The following MGAT4C variants were observed in gnomAD, a reference collection of about 807,000 sequenced individuals.
MGAT4C encodes alpha-1,3-mannosyl-glycoprotein 4-beta-N-acetylglucosaminyltransferase C.
A neutral mutation model predicts 40.1 loss-of-function variants in MGAT4C; 19 were observed. That is an observed-to-expected ratio of 0.47 (90% CI 0.33 to 0.70). MGAT4C has a LOEUF of 0.70. Among genes scored for constraint, MGAT4C ranks in the 30% least tolerant of loss-of-function variants. MGAT4C has a pLI of 0.02. For missense variants in MGAT4C, 491 were observed against 563.2 expected (o/e 0.87, Z 1.30); for synonymous variants, 181 against 187.1 (o/e 0.97, Z 0.27).
chr12:86,753,251 C>T (rs916305351), intron 1 of MGAT4C, among the ~76,000 whole-genome samples: 29 of 152,138 alleles, frequency 1.9e-4, no homozygotes, highest in Non-Finnish European at 3.8e-4. Context: ...GAACACCCGG[C>T]CTGCCCAGGG....
Position 85,958,906 on chromosome 12 carries a change from T to C in MGAT4C, c.*20383A>G, listed in dbSNP as rs1882962583. On this transcript the variant is annotated 3_prime_UTR_variant, in exon 5 of 5. Coordinates refer to ENST00000611864, the MANE Select transcript of MGAT4C (RefSeq NM_001351288.2). ...AAGTTGTATAAAATTTTACAAACTT[T>C]ATATTTTTGCATACACTTATCTTCC... 1 of 152,070 alleles carries C rather than the reference T, an allele frequency of 6.6e-6. No homozygotes were observed. Among genetic ancestry groups the C allele is most frequent in the Admixed American group, 6.6e-5 (1 of 15,246 alleles). The allele number at this position is 152,070 out of a possible 1,614,324, so 9.4% of individuals were successfully genotyped here.
intron 3 of MGAT4C, among the ~76,000 whole-genome samples, chr12:86,363,275 T>C (rs1175600332): frequency 6.6e-6 from 1 of 152,118 alleles, no homozygotes; most frequent in Admixed American, 6.5e-5. Context: ...CATAACAGAC[T>C]TAAATTTAGA....
At chr12:86,490,245 C>T (rs914999643) in intron 2 of MGAT4C, among the ~76,000 whole-genome samples, 10 of 152,048 alleles carry the variant, frequency 6.6e-5, no homozygotes, top group Non-Finnish European at 1.3e-4. Flanking sequence ...CCCTACAAGC[C>T]AGAAGAGAGT....
At chr12:86,111,742 T>A (rs1877451003) in intron 1 of MGAT4C, among the ~76,000 whole-genome samples, 1 of 151,740 alleles carries the variant, frequency 6.6e-6, no homozygotes, top group African/African-American at 2.4e-5. Context: ...ACGCTTATGT[T>A]CAAACACTTT....
intron 2 of MGAT4C, among the ~76,000 whole-genome samples, chr12:86,719,638 T>C (rs909629891): frequency 1.1e-4 from 16 of 152,150 alleles, no homozygotes; most frequent in Non-Finnish European, 2.4e-4. Context: ...GAATCATCCT[T>C]CCTTTTACAT....
chr12:86,376,746 CCATGTACGTACCTA>C (rs1955829003), intron 3 of MGAT4C, among the ~76,000 whole-genome samples: 1 of 149,942 alleles, frequency 6.7e-6, no homozygotes, highest in Admixed American at 6.7e-5. Context: ...ACTCCCCTCC[CCATGTACGTACCTA>C]CATCAAAGAG....
chr12:86,747,910 A>G (rs940939787), intron 1 of MGAT4C, among the ~76,000 whole-genome samples: 42 of 151,574 alleles, frequency 2.8e-4, no homozygotes, highest in African/African-American at 9.9e-4. Context: ...CCACACAATG[A>G]ATGTGGGATG....
intron 1 of MGAT4C, among the ~76,000 whole-genome samples, chr12:86,071,157 C>T (rs1466178404): frequency 1.3e-5 from 2 of 151,918 alleles, no homozygotes; most frequent in Admixed American, 1.3e-4. Context: ...GTGAAAATAC[C>T]ACAGCCAGAA....
intron 2 of MGAT4C, among the ~76,000 whole-genome samples, chr12:86,497,974 TTATATA>T (rs1176528170): frequency 1.4e-5 from 2 of 145,248 alleles, no homozygotes; most frequent in Admixed American, 1.4e-4. Flanking sequence ...TAAATATATA[TTATATA>T]TATAATCTTT....
intron 3 of MGAT4C, among the ~76,000 whole-genome samples, chr12:86,341,160 A>G (rs1343077692): frequency 6.6e-6 from 1 of 152,152 alleles, no homozygotes; most frequent in East Asian, 1.9e-4. Context: ...AAAGCAAGAC[A>G]AGACAATGGC....
intron 2 of MGAT4C, among the ~76,000 whole-genome samples, chr12:86,480,119 C>T (rs541102177): frequency 6.6e-6 from 1 of 151,732 alleles, no homozygotes; most frequent in South Asian, 2.1e-4. Context: ...TTGGAAGACA[C>T]AGTCATATTA....
intron 3 of MGAT4C, among the ~76,000 whole-genome samples, chr12:86,351,861 A>T (rs1202191017): frequency 6.6e-6 from 1 of 152,076 alleles, no homozygotes; most frequent in African/African-American, 2.4e-5. Flanking sequence ...GTTAAAACTG[A>T]AACTATTCAT....
chr12:86,372,448 C>T (rs931061959), intron 3 of MGAT4C, among the ~76,000 whole-genome samples: 1 of 151,778 alleles, frequency 6.6e-6, no homozygotes, highest in Non-Finnish European at 1.5e-5. Context: ...TCTATTGTTA[C>T]ATATTTTATA....
chr12:86,673,104 T>C (rs544532735), intron 2 of MGAT4C, among the ~76,000 whole-genome samples: 2 of 152,304 alleles, frequency 1.3e-5, no homozygotes, highest in South Asian at 2.1e-4. Flanking sequence ...ATAACTATGA[T>C]ATCTAATTTT....
At chr12:86,542,853 A>G (rs191013301) in intron 2 of MGAT4C, among the ~76,000 whole-genome samples, 53 of 152,320 alleles carry the variant, frequency 3.5e-4, no homozygotes, top group African/African-American at 1.2e-3. Flanking sequence ...CTAATGCATC[A>G]AAACTATTTT....
intron 3 of MGAT4C, among the ~76,000 whole-genome samples, chr12:86,374,033 C>A (rs1157178689): frequency 2.6e-5 from 4 of 151,994 alleles, no homozygotes; most frequent in African/African-American, 9.7e-5. Context: ...CTGAGCCCTA[C>A]CTGCAGAACC....
At chr12:86,269,882 G>A (rs1245186053) in intron 4 of MGAT4C, among the ~76,000 whole-genome samples, 21 of 151,994 alleles carry the variant, frequency 1.4e-4, no homozygotes, top group Non-Finnish European at 8.8e-5. Flanking sequence ...CATATGAATT[G>A]TAGTTTTTTA....
chr12:86,009,385 T>C (rs1565851884), intron 2 of MGAT4C, among the ~76,000 whole-genome samples: 1 of 152,138 alleles, frequency 6.6e-6, no homozygotes, highest in Non-Finnish European at 1.5e-5. Flanking sequence ...TTTCTCTCTC[T>C]CTCCCTCCCT....
At chr12:86,210,122 T>C (rs991827657) in intron 1 of MGAT4C, among the ~76,000 whole-genome samples, 1 of 152,202 alleles carries the variant, frequency 6.6e-6, no homozygotes, top group African/African-American at 2.4e-5. Flanking sequence ...ACCTATCAAT[T>C]TCAGAACATG....
Sources: allele counts gnomAD v4.1 joint callset (sites outside exome capture counted in the v4.1 genomes callset), GRCh38; gene constraint gnomAD v4.1.1; transcripts MANE v1.5; gene names NCBI Gene and HGNC (gene_info 2026-07-23, HGNC 2026-07-21).